GRAP2: variants seen among roughly 807,000 people sequenced by gnomAD.
The protein encoded by GRAP2 is GRB2-related adapter protein 2.
A neutral mutation model predicts 43.5 loss-of-function variants in GRAP2; 31 were observed. The observed-to-expected ratio is 0.71, with a 90% confidence interval of 0.54 to 0.96. The LOEUF (loss-of-function observed/expected upper bound fraction) is 0.96, where lower values mean the gene tolerates loss of function less well. Ranked by LOEUF, GRAP2 falls within the 40% of genes least tolerant of loss-of-function variation. The pLI is 0.00. For missense variants in GRAP2, 371 were observed against 424.4 expected (o/e 0.87, Z 1.11); for synonymous variants, 156 against 164.8 (o/e 0.95, Z 0.41).
intron 1 of GRAP2, among the ~76,000 whole-genome samples, chr22:39,913,469 G>T (rs1389585627): frequency 2.0e-5 from 3 of 152,160 alleles, no homozygotes; most frequent in African/African-American, 7.2e-5. Flanking sequence ...GAACTGGGGC[G>T]CCTCAGAGCC....
At chr22:39,955,385 A>G (rs1206300573) in intron 2 of GRAP2, among the ~76,000 whole-genome samples, 1 of 150,676 alleles carries the variant, frequency 6.6e-6, no homozygotes, top group African/African-American at 2.4e-5. Context: ...AACAAAAAAA[A>G]GAGAAAAGTT....
intron 1 of GRAP2, among the ~76,000 whole-genome samples, chr22:39,928,974 T>A (rs2066730900): frequency 6.6e-6 from 1 of 152,190 alleles, no homozygotes; most frequent in Admixed American, 6.5e-5. Context: ...GCATTTGGTG[T>A]GGTATTTGAT....
chr22:39,899,108 C>T (rs1259459491), upstream of GRAP2, among the ~76,000 whole-genome samples: 2 of 152,154 alleles, frequency 1.3e-5, no homozygotes, highest in African/African-American at 4.8e-5. Flanking sequence ...TGAAATAAAC[C>T]ACTCAAGTGG....
intron 4 of GRAP2, chr22:39,964,782 C>T (rs2067155958): frequency 4.9e-6 from 2 of 411,986 alleles, no homozygotes; most frequent in South Asian, 6.2e-5. Context: ...TAAGTCATTC[C>T]TACCATAACT....
chr22:39,970,620 A>G (rs1014440324), intron 7 of GRAP2, among the ~76,000 whole-genome samples: 1 of 152,072 alleles, frequency 6.6e-6, no homozygotes, highest in Non-Finnish European at 1.5e-5. Context: ...TAGGTATCTG[A>G]TTTAAATTGC....
chr22:39,913,086 G>A (rs763409602), intron 1 of GRAP2, among the ~76,000 whole-genome samples: 77 of 151,818 alleles, frequency 5.1e-4, no homozygotes, highest in Non-Finnish European at 9.4e-4. Context: ...CCAGCTACTC[G>A]GGTGGCTGAG....
At chr22:39,911,422 T>A (rs1004482253) in intron 1 of GRAP2, among the ~76,000 whole-genome samples, 1 of 151,696 alleles carries the variant, frequency 6.6e-6, no homozygotes, top group African/African-American at 2.4e-5. Flanking sequence ...CCTCTTCTGT[T>A]TGTAATACGG....
At chr22:39,948,301 C>T (rs1019838626) in intron 2 of GRAP2, 4 of 152,106 alleles carry the variant, frequency 2.6e-5, no homozygotes, top group African/African-American at 7.2e-5. Context: ...AGTTGGGCCT[C>T]CTGACCCAGG....
Position 39,969,641 on chromosome 22 carries a change from C to T in GRAP2, c.813+108C>T, listed in dbSNP as rs769105388. On this transcript the variant is annotated intron_variant, in intron 7 of 7. Coordinates refer to ENST00000344138, the MANE Select transcript of GRAP2 (RefSeq NM_004810.4). The stretch of plus-strand genomic sequence containing the variant: ...CAAACCACACAGATCTGGCTGGGCA[C>T]GGTGGCTCACACCTGTAATCCCAAC... 2.3e-4 allele frequency: 278 copies of T among 1,200,670 alleles called. 1 individual carries two copies. Among genetic ancestry groups the T allele is most frequent in the Non-Finnish European group, 3.6e-5 (31 of 849,904 alleles). 74.4% of individuals were successfully genotyped at this position (1,200,670 alleles called of 1,614,324 possible).
chr22:39,964,652 G>T, intron 4 of GRAP2: 1 of 583,998 alleles, frequency 1.7e-6, no homozygotes, highest in South Asian at 2.2e-5. Context: ...AATATCTTTT[G>T]CCACCTATAG....
chr22:39,955,842 G>T lies in GRAP2; in HGVS notation c.102G>T (p.Trp34Cys). 6.3e-7 allele frequency: 1 copy of T among 1,578,588 alleles called. No individual in the cohort carries two copies. The highest frequency in any genetic ancestry group is 2.2e-5 in the East Asian group (1 of 44,752). ...AGATTTTAAGTAACCAAGAGGAGTG[G>T]TTTAAGGCGGAGCTTGGGAGCCAGG... ...VLKILSNQEE[W>C]FKAELGSQEG... Residue 34 changes from tryptophan to cysteine, a missense_variant, in exon 3 of 8, where the codon TGG (tryptophan) becomes TGT (cysteine). Coordinates refer to ENST00000344138, the MANE Select transcript of GRAP2 (RefSeq NM_004810.4).
intron 1 of GRAP2, among the ~76,000 whole-genome samples, chr22:39,903,229 C>T (rs2066503750): frequency 6.6e-6 from 1 of 152,026 alleles, no homozygotes; most frequent in Admixed American, 6.6e-5. Context: ...TTTTTGTGCC[C>T]CTATCAAACA....
At chr22:39,937,091 TC>T (rs2066814200) in intron 1 of GRAP2, among the ~76,000 whole-genome samples, 1 of 152,184 alleles carries the variant, frequency 6.6e-6, no homozygotes, top group African/African-American at 2.4e-5. Context: ...ATCTCTTGCC[TC>T]CATTTCCCAC....
At chr22:39,948,881 G>A (rs1191805385) in intron 2 of GRAP2, among the ~76,000 whole-genome samples, 1 of 152,112 alleles carries the variant, frequency 6.6e-6, no homozygotes, top group Non-Finnish European at 1.5e-5. Flanking sequence ...TCATTTCCAA[G>A]CATTCTTTTT....
At chr22:39,964,058 C>T (rs2067145937) in intron 4 of GRAP2, 6 of 267,224 alleles carry the variant, frequency 2.2e-5, no homozygotes, top group Admixed American at 1.0e-4. Flanking sequence ...CTTTACTCTC[C>T]GAGACCCTTT....
chr22:39,903,453 A>G (rs140351660), intron 1 of GRAP2, among the ~76,000 whole-genome samples: 1 of 150,070 alleles, frequency 6.7e-6, no homozygotes, highest in East Asian at 2.0e-4. Context: ...AATAATAATG[A>G]TAATAACACA....
intron 1 of GRAP2, among the ~76,000 whole-genome samples, chr22:39,913,705 C>T (rs552698569): frequency 9.2e-5 from 14 of 152,298 alleles, no homozygotes; most frequent in Admixed American, 6.5e-4. Context: ...AGAAATGGAA[C>T]AGAACTCGAG....
chr22:39,923,468 T>A (rs1322819536), intron 1 of GRAP2, among the ~76,000 whole-genome samples: 2 of 152,244 alleles, frequency 1.3e-5, no homozygotes, highest in East Asian at 3.8e-4. Flanking sequence ...ATTTCAGTTA[T>A]CTATGCCTAG....
intron 4 of GRAP2, chr22:39,960,413 C>T: frequency 2.1e-6 from 1 of 468,148 alleles, no homozygotes; most frequent in Non-Finnish European, 3.9e-6. Flanking sequence ...TCTGCCTCCC[C>T]TTCTAGCCCA....
Sources: gnomAD v4.1 joint callset for allele counts (sites outside exome capture counted in the v4.1 genomes callset) on GRCh38, gnomAD v4.1.1 for gene constraint, MANE v1.5 for transcripts, NCBI Gene and HGNC (gene_info 2026-07-23, HGNC 2026-07-21) for gene names.